ADAMTS10: variants seen among roughly 807,000 people sequenced by gnomAD.
ADAMTS10 encodes the protein A disintegrin and metalloproteinase with thrombospondin motifs 10.
A neutral mutation model predicts 135.9 loss-of-function variants in ADAMTS10; 48 were observed. That is an observed-to-expected ratio of 0.35 (90% CI 0.28 to 0.45). ADAMTS10 has a LOEUF of 0.45. Among genes scored for constraint, ADAMTS10 ranks in the 20% least tolerant of loss-of-function variants. The pLI, the probability that ADAMTS10 is intolerant of heterozygous loss-of-function variation, is 1.00. For synonymous variants in ADAMTS10, 621 were observed against 647.5 expected, an observed-to-expected ratio of 0.96 and a Z score of 0.62; for missense variants, 1,131 against 1,565.2, an observed-to-expected ratio of 0.72 and a Z score of 4.68.
Position 8,596,272 on chromosome 19 carries a change from T to C in ADAMTS10, c.1190+35A>G, listed in dbSNP as rs1158259261. ...GGCGCTGAGGGACCCGCCCAGCTCC[T>C]CCCCTCCTCCCCCTCTTGTGTGCCC... On this transcript the variant is annotated intron_variant, in intron 10 of 25. Coordinates refer to ENST00000597188, the MANE Select transcript of ADAMTS10 (RefSeq NM_030957.4). The surrounding 1 kb of genome is among the most constrained non-coding windows in gnomAD (Gnocchi z 7.2). 1 of 1,612,580 alleles carries C rather than the reference T, an allele frequency of 6.2e-7. No homozygotes were observed. Among genetic ancestry groups the C allele is most frequent in the African/African-American group, 1.3e-5 (1 of 74,966 alleles).
intron 4 of ADAMTS10, 170 bp downstream of exon 4, chr19:8,604,842 T>C (rs1198974861): frequency 2.7e-6 from 2 of 740,916 alleles, no homozygotes; most frequent in South Asian, 1.8e-5. Context: ...CCTAAGGCTA[T>C]ACATTTTCCT....
intron 2 of ADAMTS10, among the ~76,000 whole-genome samples, chr19:8,606,471 G>A (rs1256236186): frequency 7.2e-5 from 11 of 152,152 alleles, no homozygotes; most frequent in Admixed American, 6.5e-5. Flanking sequence ...GCGCAATCGC[G>A]GCTCACTGCA....
rs186329770 is a variant in ADAMTS10, at chr19:8,599,407, T to C, written c.810+1521A>G. ...GTGCAATGGTGCGATCTTGGCTCAC[T>C]GCAACCTCTGCCTCCCGGGTTCAAG... On this transcript the variant is annotated intron_variant, in intron 6 of 25. Transcript: ENST00000597188. Among the ~76,000 whole-genome samples, 175 of 152,164 alleles carry C rather than the reference T, an allele frequency of 1.2e-3. 3 individuals are homozygous for C. The highest frequency in any genetic ancestry group is 6.6e-3 in the Admixed American group (101 of 15,276).
chr19:8,595,710 C>T, intron 12 of ADAMTS10, 52 bp downstream of exon 12: 1 of 1,385,622 alleles, frequency 7.2e-7, no homozygotes, highest in Non-Finnish European at 1.0e-6. Flanking sequence ...CCTCCCCCAG[C>T]CCCAGCGGCC....
chr19:8,585,763 T>A, intron 22 of ADAMTS10, 103 bp from the exon 23 acceptor site: 1 of 1,230,216 alleles, frequency 8.1e-7, no homozygotes, highest in South Asian at 1.3e-5. Context: ...TCACCCAGCC[T>A]CATATGGAAA....
At position 8,586,157 on chromosome 19, in the gene ADAMTS10, C is replaced by A; in HGVS notation, c.2625G>T (p.Arg875Ser). Residue 875 changes from arginine to serine, a missense_variant, in exon 22 of 26, where the codon AGG becomes AGT. Around this residue, in one of 3 missense-constraint regions of ADAMTS10, gnomAD observed 745 missense variants for 1,056.3 expected, o/e 0.71. Transcript: ENST00000597188. ...YCSAHSKLPK[R>S]QRACNTEPCP... ...AAGGCTCCGTGTTGCAGGCGCGCTGCCTTTTGGGCAGCTTGCTGTGGGCAC... is the reference window on the plus strand; with the variant it reads ...AAGGCTCCGTGTTGCAGGCGCGCTGACTTTTGGGCAGCTTGCTGTGGGCAC... The A allele has an allele frequency of 6.2e-7, 1 of 1,612,676 alleles. No homozygotes were observed. Among genetic ancestry groups the A allele is most frequent in the Admixed American group, 1.7e-5 (1 of 60,024 alleles).
chr19:8,584,825 C>A, intron 25 of ADAMTS10, 70 bp downstream of exon 25: 1 of 1,535,862 alleles, frequency 6.5e-7, no homozygotes, highest in Non-Finnish European at 8.8e-7. Context: ...GAAGTCAGGA[C>A]CCCCAATGCC....
Position 8,589,363 on chromosome 19 carries a change from G to A in ADAMTS10, c.2037C>T (p.His679=), listed in dbSNP as rs781987742. ...VDICVSGECK[H]VGCDRVLGSD... The stretch of plus-strand genomic sequence containing the variant: ...AGCCCAGGACTCGGTCGCAGCCCAC[G>A]TGCTGCGTGGAGAAGGCGTGAGTGA... Residue 679 remains histidine (H), a splice_region_variant and synonymous_variant, in exon 18 of 26, where the codon CAC becomes CAT. Transcript: ENST00000597188. 73 of 1,612,048 alleles carry A rather than the reference G, an allele frequency of 4.5e-5. No individual in the cohort carries two copies. The highest frequency in any genetic ancestry group is 6.0e-5 in the Non-Finnish European group (71 of 1,179,904).
chr19:8,608,761 G>A (rs971249554), intron 1 of ADAMTS10, among the ~76,000 whole-genome samples: 4 of 152,166 alleles, frequency 2.6e-5, no homozygotes, highest in Admixed American at 6.5e-5. Context: ...CTGAAGTGAG[G>A]CGCTCCTCCC....
At chr19:8,584,744 G>A in intron 25 of ADAMTS10, 151 bp downstream of exon 25, 4 of 1,152,816 alleles carry the variant, frequency 3.5e-6, no homozygotes, top group Non-Finnish European at 4.9e-6. Context: ...ATGCTTGCAG[G>A]GAGGGGATGG....
chr19:8,591,722 G>C, intron 15 of ADAMTS10, 78 bp downstream of exon 15: 1 of 1,562,804 alleles, frequency 6.4e-7, no homozygotes, highest in Non-Finnish European at 8.8e-7. Flanking sequence ...TTACAGGCGT[G>C]AGCCACGGTG....
chr19:8,584,871 C>T (rs1555736395), intron 25 of ADAMTS10, 24 bp downstream of exon 25: 1 of 1,548,370 alleles, frequency 6.5e-7, no homozygotes, highest in South Asian at 1.2e-5. Flanking sequence ...CCTCCTGGCG[C>T]ACCCTGGCTG....
intron 6 of ADAMTS10, among the ~76,000 whole-genome samples, chr19:8,598,830 C>T (rs1555740829): frequency 5.8e-4 from 88 of 151,666 alleles, no homozygotes; most frequent in African/African-American, 2.1e-3. Flanking sequence ...CCGCCTCGGC[C>T]TCCCAAAGTG....
Position 8,580,546 on chromosome 19 carries a change from C to T in ADAMTS10, c.*347G>A, listed in dbSNP as rs2042329695. On this transcript the variant is annotated 3_prime_UTR_variant, in exon 26 of 26. Coordinates refer to ENST00000597188, the MANE Select transcript of ADAMTS10 (RefSeq NM_030957.4). ...AGACCACCTCCCCACCCCTACTCTT[C>T]ACAGTACATATTCCGATCAAAGGAG... The T allele has an allele frequency of 3.8e-6, 1 of 263,474 alleles. No homozygotes were observed. 16.3% of individuals were successfully genotyped at this position (263,474 alleles called of 1,614,324 possible).
At chr19:8,602,985 T>C (rs2042682712) in intron 5 of ADAMTS10, among the ~76,000 whole-genome samples, 1 of 152,188 alleles carries the variant, frequency 6.6e-6, no homozygotes, top group Non-Finnish European at 1.5e-5. Context: ...TGTATAGCTT[T>C]CCTTCTCTCT....
In ADAMTS10 at chr19:8,586,539, C is replaced by T. The variant is rs375158845; in HGVS notation, c.2403+19G>A. The T allele has an allele frequency of 6.2e-7, 1 of 1,613,070 alleles. No individual in the cohort carries two copies. Among genetic ancestry groups the T allele is most frequent in the Non-Finnish European group, 8.5e-7 (1 of 1,180,000 alleles). On this transcript the variant is annotated intron_variant, in intron 20 of 25. Coordinates refer to ENST00000597188, the MANE Select transcript of ADAMTS10 (RefSeq NM_030957.4). The stretch of plus-strand genomic sequence containing the variant: ...CTCTAATTCCAAAGGCTGCACCTTG[C>T]CCCCAGTCTCCCTGTTACCATGACG...
intron 18 of ADAMTS10, 33 bp from the exon 19 acceptor site, chr19:8,586,929 G>A (rs1460298670): frequency 8.1e-6 from 13 of 1,611,874 alleles, no homozygotes; most frequent in Non-Finnish European, 1.1e-5. Flanking sequence ...CACCCACTTG[G>A]CATGTCCCCA....
intron 1 of ADAMTS10, 51 bp downstream of exon 1, chr19:8,610,593 A>ACAAAGT (rs2042770575): frequency 6.6e-6 from 1 of 151,468 alleles, no homozygotes; most frequent in Non-Finnish European, 1.5e-5. Flanking sequence ...ATGCGGACAC[A>ACAAAGT]CAAAGTCCCA....
intron 6 of ADAMTS10, among the ~76,000 whole-genome samples, chr19:8,599,212 G>A (rs564126457): frequency 6.6e-6 from 1 of 152,186 alleles, no homozygotes; most frequent in East Asian, 1.9e-4. Context: ...GTGGGTTGGG[G>A]AGGTCAGCCT....
Sources: gnomAD v4.1 joint callset for allele counts (sites outside exome capture counted in the v4.1 genomes callset) on GRCh38, gnomAD v4.1.1 for gene constraint, gnomAD v4.1.1 regional missense constraint, Gnocchi (gnomAD v3.1) non-coding constraint, MANE v1.5 for transcripts, NCBI Gene and HGNC (gene_info 2026-07-23, HGNC 2026-07-21) for gene names.